Variants in PPARG observed in about 807,000 individuals in gnomAD.
PPARG encodes peroxisome proliferator-activated receptor gamma.
In PPARG, 17 loss-of-function variants were observed where a neutral mutation model predicts 39.2. The ratio of observed to expected loss-of-function variants is 0.43; its 90% CI spans 0.30 to 0.65. The LOEUF (loss-of-function observed/expected upper bound fraction) is 0.65, where lower values mean the gene tolerates loss of function less well. Ranked by LOEUF, PPARG falls within the 30% of genes least tolerant of loss-of-function variation. The pLI, the probability that PPARG is intolerant of heterozygous loss-of-function variation, is 0.13. For missense variants in PPARG, 406 were observed against 585.9 expected (o/e 0.69, Z 3.17); for synonymous variants, 223 against 215.7 (o/e 1.03, Z -0.30).
At chr3:12,323,085 C>T (rs1029619059) in intron 2 of PPARG, among the ~76,000 whole-genome samples, 4 of 152,050 alleles carry the variant, frequency 2.6e-5, no homozygotes, top group Admixed American at 6.6e-5. Flanking sequence ...AGATTATGGG[C>T]GTGAGCCACT....
chr3:12,377,617 A>G (rs1041271061), intron 2 of PPARG, among the ~76,000 whole-genome samples: 3 of 152,320 alleles, frequency 2.0e-5, no homozygotes, highest in African/African-American at 4.8e-5. Flanking sequence ...CAACTTTTCT[A>G]TTACACAAAA....
At chr3:12,412,770 C>A (rs1276146160) in intron 6 of PPARG, among the ~76,000 whole-genome samples, 1 of 152,136 alleles carries the variant, frequency 6.6e-6, no homozygotes, top group Non-Finnish European at 1.5e-5. Context: ...GTAATATTTT[C>A]CTTAGAGAGA....
At chr3:12,393,462 T>C (rs1321123570) in intron 5 of PPARG, among the ~76,000 whole-genome samples, 6 of 152,168 alleles carry the variant, frequency 3.9e-5, no homozygotes, top group Admixed American at 3.3e-4. Flanking sequence ...TCTGTGGAAC[T>C]AACTCAGTAA....
At chr3:12,313,859 TG>T (rs377716266) in intron 2 of PPARG, among the ~76,000 whole-genome samples, 15 of 152,188 alleles carry the variant, frequency 9.9e-5, no homozygotes, top group African/African-American at 3.6e-4. Flanking sequence ...AGTAAATAAA[TG>T]GGGGGAGAAG....
rs557390813 is a variant in PPARG, at chr3:12,293,688, T to C, written c.-83+4554T>C. On this transcript the variant is annotated intron_variant, in intron 1 of 7. Coordinates refer to ENST00000651735, the MANE Select transcript of PPARG (RefSeq NM_138711.6). ...TTGTAGGACATCTCAGTTTGCCACTTAGCACTGTTATTCTTTCTGGCTCTA... is the reference window on the plus strand; with the variant it reads ...TTGTAGGACATCTCAGTTTGCCACTCAGCACTGTTATTCTTTCTGGCTCTA... 3.3e-5 allele frequency among the ~76,000 whole-genome samples: 5 copies of C among 152,362 alleles called. No homozygotes were observed. In the South Asian group the frequency reaches 1.0e-3, roughly 32 times the overall value.
intron 2 of PPARG, among the ~76,000 whole-genome samples, chr3:12,358,076 C>A (rs1169988328): frequency 6.6e-6 from 1 of 152,120 alleles, no homozygotes; most frequent in African/African-American, 2.4e-5. Flanking sequence ...TGCTACAAAC[C>A]AGGCACAAAT....
At chr3:12,316,354 A>G (rs1017174557) in intron 2 of PPARG, among the ~76,000 whole-genome samples, 3 of 152,164 alleles carry the variant, frequency 2.0e-5, no homozygotes, top group Admixed American at 6.5e-5. Flanking sequence ...TTTAGGTGAA[A>G]CAAGAAATAA....
intron 4 of PPARG, among the ~76,000 whole-genome samples, chr3:12,386,385 C>T (rs1341276260): frequency 9.9e-5 from 15 of 152,094 alleles, no homozygotes; most frequent in Non-Finnish European, 1.5e-5. Flanking sequence ...ATTTTATTTA[C>T]ATATACAGTG....
intron 7 of PPARG, among the ~76,000 whole-genome samples, chr3:12,421,727 G>T (rs2051268779): frequency 6.6e-6 from 1 of 152,224 alleles, no homozygotes; most frequent in Admixed American, 6.5e-5. Flanking sequence ...CCTAATGACA[G>T]AGAAGCTGCC....
chr3:12,340,958 G>C (rs1353825625), intron 2 of PPARG, among the ~76,000 whole-genome samples: 3 of 151,996 alleles, frequency 2.0e-5, no homozygotes, highest in Non-Finnish European at 4.4e-5. Flanking sequence ...GCCAAGGCGG[G>C]CGGATCACAA....
intron 7 of PPARG, among the ~76,000 whole-genome samples, chr3:12,425,352 G>T (rs2051403154): frequency 6.6e-6 from 1 of 152,214 alleles, no homozygotes; most frequent in Admixed American, 6.5e-5. Context: ...ACATTGGGAA[G>T]GAGGACAGCG....
intron 2 of PPARG, 42 bp from the exon 3 acceptor site, chr3:12,379,662 C>A: frequency 6.5e-7 from 1 of 1,534,164 alleles, no homozygotes; most frequent in Non-Finnish European, 9.0e-7. Flanking sequence ...TTGCTGTGTT[C>A]TCTAGGACTT....
At chr3:12,293,587 C>G (rs2046703592) in intron 1 of PPARG, among the ~76,000 whole-genome samples, 1 of 152,136 alleles carries the variant, frequency 6.6e-6, no homozygotes, top group Non-Finnish European at 1.5e-5. Flanking sequence ...CCACAGTCAG[C>G]AGGTTGCATG....
chr3:12,375,788 C>T (rs1041262204), intron 2 of PPARG, among the ~76,000 whole-genome samples: 1 of 152,090 alleles, frequency 6.6e-6, no homozygotes, highest in Admixed American at 6.5e-5. Flanking sequence ...TACACATTCC[C>T]CTTTTTGGTG....
intron 4 of PPARG, among the ~76,000 whole-genome samples, chr3:12,385,813 A>C (rs975165582): frequency 1.3e-5 from 2 of 152,186 alleles, no homozygotes; most frequent in African/African-American, 4.8e-5. Context: ...AGACTGCTTC[A>C]TGGGAAAGCC....
chr3:12,413,790 T>G (rs941253974), intron 6 of PPARG, among the ~76,000 whole-genome samples: 1 of 133,940 alleles, frequency 7.5e-6, no homozygotes, highest in Non-Finnish European at 1.5e-5. Flanking sequence ...CACTCCAGCC[T>G]GGGCAACAGG....
chr3:12,395,443 A>G (rs928070431), intron 5 of PPARG, among the ~76,000 whole-genome samples: 10 of 152,230 alleles, frequency 6.6e-5, no homozygotes, highest in African/African-American at 2.4e-4. Context: ...GAGAGCAGAA[A>G]TACAGAGCCT....
intron 5 of PPARG, among the ~76,000 whole-genome samples, chr3:12,397,375 C>CT (rs1211383093): frequency 7.6e-6 from 1 of 132,010 alleles, no homozygotes; most frequent in Admixed American, 8.4e-5. Context: ...TAACCTATTC[C>CT]TTTTTATTAT....
intron 7 of PPARG, among the ~76,000 whole-genome samples, chr3:12,433,523 G>A (rs1477416186): frequency 7.6e-5 from 11 of 143,836 alleles, no homozygotes; most frequent in Non-Finnish European, 1.5e-4. Flanking sequence ...GGATGACAGA[G>A]CAAGACTCCA....
Sources: gnomAD v4.1 joint callset for allele counts (sites outside exome capture counted in the v4.1 genomes callset) on GRCh38, gnomAD v4.1.1 for gene constraint, MANE v1.5 for transcripts, NCBI Gene and HGNC (gene_info 2026-07-23, HGNC 2026-07-21) for gene names.